The following KCNT1 variants were observed in gnomAD, a reference collection of about 807,000 sequenced individuals.
KCNT1 encodes potassium sodium-activated channel subfamily T member 1.
KCNT1 carries 78 observed loss-of-function variants against 147.8 expected under a neutral mutation model. That is an observed-to-expected ratio of 0.53 (90% CI 0.44 to 0.64). The LOEUF (loss-of-function observed/expected upper bound fraction) is 0.64. KCNT1 is among the 30% of genes least tolerant of loss of function. The pLI, the probability that KCNT1 is intolerant of heterozygous loss-of-function variation, is 0.00. For synonymous variants in KCNT1, 867 were observed against 748.8 expected, an observed-to-expected ratio of 1.16 and a Z score of -2.58; for missense variants, 1,419 against 1,750.3, an observed-to-expected ratio of 0.81 and a Z score of 3.38.
chr9:135,754,303 A>G (rs1831356339), intron 5 of KCNT1, among the ~76,000 whole-genome samples: 1 of 152,176 alleles, frequency 6.6e-6, no homozygotes, highest in South Asian at 2.1e-4. Flanking sequence ...CAATGCTGGG[A>G]ATGTCCCCTT....
At chr9:135,718,546 G>A (rs1488256467) in intron 2 of KCNT1, among the ~76,000 whole-genome samples, 1 of 152,232 alleles carries the variant, frequency 6.6e-6, no homozygotes, top group Non-Finnish European at 1.5e-5. Flanking sequence ...GGTGTCTCAG[G>A]TCTGGGTAAG....
intron 2 of KCNT1, among the ~76,000 whole-genome samples, chr9:135,716,095 G>A (rs1294607474): frequency 6.6e-6 from 1 of 152,178 alleles, no homozygotes; most frequent in African/African-American, 2.4e-5. Context: ...TCTCCTGGGA[G>A]CCACACAAAG....
At chr9:135,783,982 G>A in intron 24 of KCNT1, 42 bp from the exon 25 acceptor site, 1 of 1,529,974 alleles carries the variant, frequency 6.5e-7, no homozygotes, top group Non-Finnish European at 9.0e-7. Context: ...CCACTGGAGG[G>A]ACCTCGGCAC....
chr9:135,760,798 G>A (rs1831863066), intron 11 of KCNT1, among the ~76,000 whole-genome samples: 1 of 152,232 alleles, frequency 6.6e-6, no homozygotes, highest in South Asian at 2.1e-4. Context: ...AGTTCAGATG[G>A]GGCCGTGCGC....
At chr9:135,757,988 G>A (rs572718123) in intron 9 of KCNT1, among the ~76,000 whole-genome samples, 1 of 152,154 alleles carries the variant, frequency 6.6e-6, no homozygotes, top group Admixed American at 6.5e-5. Context: ...CATCCCCGGG[G>A]ATGTAGGCAA....
intron 11 of KCNT1, among the ~76,000 whole-genome samples, chr9:135,762,058 C>T (rs1174335406): frequency 6.6e-6 from 1 of 152,258 alleles, no homozygotes; most frequent in East Asian, 1.9e-4. Flanking sequence ...TTCCATGTCC[C>T]TCTGCTGCGT....
intron 29 of KCNT1, among the ~76,000 whole-genome samples, chr9:135,787,188 C>T (rs541939745): frequency 1.5e-4 from 23 of 152,336 alleles, no homozygotes; most frequent in South Asian, 1.2e-3. Flanking sequence ...CCCCTCCTGC[C>T]GCTTCAGGGA....
At chr9:135,768,474 T>A (rs955821014) in intron 13 of KCNT1, 136 bp from the exon 14 acceptor site, 5 of 621,026 alleles carry the variant, frequency 8.1e-6, no homozygotes, top group African/African-American at 8.0e-5. Context: ...CATCCAGCCG[T>A]CCTCTCAGTC....
chr9:135,731,960 G>GGATATATATATATATATATATATA (rs1554766096), intron 2 of KCNT1, among the ~76,000 whole-genome samples: 1 of 41,414 alleles, frequency 2.4e-5, no homozygotes, highest in African/African-American at 8.9e-5. Context: ...AAATATGCGT[G>GGATATATATATATATATATATATA]TATATATATA....
Position 135,777,376 on chromosome 9 carries a change from C to CG in KCNT1, c.2391dup (p.Phe798ValfsTer273). 1 of 1,614,056 alleles carries CG rather than the reference C, an allele frequency of 6.2e-7. No individual in the cohort carries two copies. The highest frequency in any genetic ancestry group is 8.5e-7 in the Non-Finnish European group (1 of 1,179,950). On this transcript the variant is annotated frameshift_variant, in exon 21 of 31. Transcript: ENST00000371757. LOFTEE classifies it high-confidence loss of function. ...ACAGCTATGAAGACGCCAAGGCCTA[C>CG]GGGTTCAAGAACAAGCTGATCATCG...
chr9:135,786,431 C>T lies in KCNT1; in HGVS notation c.3412C>T (p.Leu1138Phe). The T allele has an allele frequency of 6.3e-7, 1 of 1,594,124 alleles. No homozygotes were observed. Among genetic ancestry groups the T allele is most frequent in the Non-Finnish European group, 8.5e-7 (1 of 1,171,406 alleles). Residue 1138 changes from leucine (L) to phenylalanine (F), a missense_variant, in exon 29 of 31, where the codon CTC (leucine) becomes TTC (phenylalanine). Leu to Phe is a conservative substitution (Grantham distance 22). Transcript: ENST00000371757. ...CGCGGAGTGGATCAGCCAGCAGCGCCTCAGCCTGTACCGGCGCTCTGAGCG... is the reference window on the plus strand; with the variant it reads ...CGCGGAGTGGATCAGCCAGCAGCGCTTCAGCCTGTACCGGCGCTCTGAGCG... ...AAAEWISQQR[L>F]SLYRRSERQE...
chr9:135,759,043 G>A (rs1831715765), intron 10 of KCNT1, among the ~76,000 whole-genome samples: 1 of 152,258 alleles, frequency 6.6e-6, no homozygotes, highest in South Asian at 2.1e-4. Flanking sequence ...TGCCCTGGGG[G>A]AGGGAGAGTG....
chr9:135,771,183 G>A (rs1049028681), intron 18 of KCNT1, 88 bp downstream of exon 18: 4 of 1,240,318 alleles, frequency 3.2e-6, no homozygotes, highest in African/African-American at 2.9e-5. Context: ...CAGGTGGGAT[G>A]GGAGACCAGG....
intron 16 of KCNT1, 106 bp downstream of exon 16, chr9:135,770,161 A>C: frequency 7.3e-7 from 1 of 1,376,614 alleles, no homozygotes. Flanking sequence ...GAGGAGGGGC[A>C]CATGGCGGGC....
intron 24 of KCNT1, 47 bp from the exon 25 acceptor site, chr9:135,783,977 G>A: frequency 6.7e-7 from 1 of 1,501,052 alleles, no homozygotes. Flanking sequence ...CCGTGCCACT[G>A]GAGGGACCTC....
At chr9:135,734,895 C>A (rs534130245) in intron 2 of KCNT1, among the ~76,000 whole-genome samples, 1 of 152,176 alleles carries the variant, frequency 6.6e-6, no homozygotes, top group Non-Finnish European at 1.5e-5. Context: ...GCAGTCATGG[C>A]GCGGTGAAGG....
At position 135,786,329 on chromosome 9, in the gene KCNT1, C is replaced by G. The variant is rs996610690; in HGVS notation, c.3310C>G (p.Leu1104Val). 3.8e-6 allele frequency: 6 copies of G among 1,596,860 alleles called. No individual in the cohort carries two copies. The African/African-American group carries it at 8.0e-5, about 21-fold the overall frequency. The part of the protein sequence containing the change: ...TGGGDPAEHP[L>V]LRRKSLQWAR... ...CGGCGGTGACCCCGCAGAGCACCCACTGCTACGGCGCAAGAGCCTGCAGTG... is the reference window on the plus strand; with the variant it reads ...CGGCGGTGACCCCGCAGAGCACCCAGTGCTACGGCGCAAGAGCCTGCAGTG... Residue 1104 changes from leucine to valine, a missense_variant, in exon 29 of 31, where the codon CTG (leucine) becomes GTG (valine). Transcript: ENST00000371757.
At chr9:135,773,904 G>A (rs1308761544) in intron 19 of KCNT1, among the ~76,000 whole-genome samples, 1 of 152,222 alleles carries the variant, frequency 6.6e-6, no homozygotes, top group Non-Finnish European at 1.5e-5. Flanking sequence ...TGCTGGGGAT[G>A]TCAGGGAGGC....
chr9:135,764,488 C>T (rs1832122858), intron 11 of KCNT1, among the ~76,000 whole-genome samples: 1 of 152,272 alleles, frequency 6.6e-6, no homozygotes, highest in African/African-American at 2.4e-5. Context: ...AGACTTTCAC[C>T]TAGAGGCCAG....
Sources: gnomAD v4.1 joint callset for allele counts (sites outside exome capture counted in the v4.1 genomes callset) on GRCh38, gnomAD v4.1.1 for gene constraint, MANE v1.5 for transcripts, NCBI Gene and HGNC (gene_info 2026-07-23, HGNC 2026-07-21) for gene names.